Variants in ADAMTSL1 observed in about 807,000 individuals in gnomAD.
ADAMTSL1 encodes ADAMTS-like protein 1.
A neutral mutation model predicts 201.8 loss-of-function variants in ADAMTSL1; 126 were observed. The observed-to-expected ratio is 0.62, with a 90% CI of 0.54 to 0.72. ADAMTSL1 has a LOEUF of 0.72. Among genes scored for constraint, ADAMTSL1 ranks in the 30% least tolerant of loss-of-function variants. The probability of loss-of-function intolerance (pLI) is 0.00; values close to 1 mark genes in which losing one functional copy is unlikely to be tolerated. For synonymous variants in ADAMTSL1, 1,121 were observed against 903.4 expected, an observed-to-expected ratio of 1.24 and a Z score of -4.32; for missense variants, 2,679 against 2,277.8, an observed-to-expected ratio of 1.18 and a Z score of -3.59.
At chr9:18,558,469 T>C (rs1299236153) in intron 3 of ADAMTSL1, among the ~76,000 whole-genome samples, 1 of 152,228 alleles carries the variant, frequency 6.6e-6, no homozygotes, top group Non-Finnish European at 1.5e-5. Context: ...GGAATAAACA[T>C]ATGTGTGCAT....
chr9:18,149,061 T>C (rs1744057703), intron 1 of ADAMTSL1, among the ~76,000 whole-genome samples: 3 of 152,054 alleles, frequency 2.0e-5, no homozygotes, highest in African/African-American at 7.2e-5. Flanking sequence ...AATTTTTAAG[T>C]GGCTTATGCT....
rs115141310 is a variant in ADAMTSL1 at position 18,148,564 on chromosome 9, G to A, written c.88-15298G>A. Among the ~76,000 whole-genome samples the A allele has an allele frequency of 3.3e-3, 499 of 152,090 alleles. 1 individual carries two copies. The highest frequency in any genetic ancestry group is 0.011 in the African/African-American group (473 of 41,536). ...AACGAGCAAATTACAAAGTTCTACA[G>A]AAACTTACCTATAATAAATAAAGAA... On this transcript the variant is annotated intron_variant, in intron 1 of 29. Coordinates refer to the ADAMTSL1 transcript ENST00000680146.
chr9:18,793,224 CCTTA>C (rs1440962019), intron 19 of ADAMTSL1: 88 of 152,342 alleles, frequency 5.8e-4, no homozygotes, highest in African/African-American at 2.1e-3. Context: ...TTGATGGAAG[CCTTA>C]CTTCTACTTC....
At chr9:17,935,420 C>T (rs925003432) in intron 1 of ADAMTSL1, among the ~76,000 whole-genome samples, 1 of 152,156 alleles carries the variant, frequency 6.6e-6, no homozygotes, top group Non-Finnish European at 1.5e-5. Flanking sequence ...AGATTTGTAT[C>T]TGTAGCTTGG....
chr9:18,358,099 G>A (rs1395150552), intron 2 of ADAMTSL1, among the ~76,000 whole-genome samples: 1 of 152,136 alleles, frequency 6.6e-6, no homozygotes, highest in Admixed American at 6.5e-5. Context: ...TGTTACTTTG[G>A]TCAAGTCAGT....
chr9:18,281,708 T>G (rs1211772136), intron 2 of ADAMTSL1, among the ~76,000 whole-genome samples: 1 of 152,180 alleles, frequency 6.6e-6, no homozygotes, highest in South Asian at 2.1e-4. Context: ...CCATTGTTTG[T>G]GTCCATGTTC....
At chr9:18,110,368 G>T (rs1045249461) in intron 1 of ADAMTSL1, among the ~76,000 whole-genome samples, 2 of 152,156 alleles carry the variant, frequency 1.3e-5, no homozygotes, top group Non-Finnish European at 2.9e-5. Flanking sequence ...GAATGCTGCA[G>T]GTAGGGAAAG....
intron 1 of ADAMTSL1, among the ~76,000 whole-genome samples, chr9:18,484,181 G>A (rs1338464674): frequency 1.3e-5 from 2 of 152,162 alleles, no homozygotes; most frequent in African/African-American, 4.8e-5. Flanking sequence ...AAACAGACAT[G>A]GTCCTAAAGA....
chr9:18,522,831 A>G (rs1034526119), intron 2 of ADAMTSL1, among the ~76,000 whole-genome samples: 6 of 152,010 alleles, frequency 3.9e-5, no homozygotes, highest in Admixed American at 3.9e-4. Context: ...TTCTTAATCC[A>G]GTTGATCATT....
At chr9:18,127,985 G>A (rs1219817513) in intron 1 of ADAMTSL1, among the ~76,000 whole-genome samples, 1 of 152,152 alleles carries the variant, frequency 6.6e-6, no homozygotes, top group African/African-American at 2.4e-5. Context: ...AGCTTAGGTG[G>A]TTGATAATTT....
chr9:18,239,821 C>A (rs2132443635), intron 2 of ADAMTSL1, among the ~76,000 whole-genome samples: 1 of 151,994 alleles, frequency 6.6e-6, no homozygotes, highest in Non-Finnish European at 1.5e-5. Flanking sequence ...GAAGGAGAAA[C>A]CACTATCAGT....
At chr9:18,792,927 A>T (rs1822148392) in intron 19 of ADAMTSL1, among the ~76,000 whole-genome samples, 1 of 152,226 alleles carries the variant, frequency 6.6e-6, no homozygotes, top group Admixed American at 6.5e-5. Flanking sequence ...GAAAAAAGCA[A>T]CTAATGTTTG....
intron 1 of ADAMTSL1, among the ~76,000 whole-genome samples, chr9:18,026,407 T>C (rs375308615): frequency 6.6e-6 from 1 of 152,098 alleles, no homozygotes; most frequent in East Asian, 1.9e-4. Context: ...TTTAGGGTTT[T>C]ACTTGTTGAA....
intron 1 of ADAMTSL1, among the ~76,000 whole-genome samples, chr9:18,034,776 A>G (rs1206393826): frequency 6.6e-6 from 1 of 151,852 alleles, no homozygotes; most frequent in African/African-American, 2.4e-5. Flanking sequence ...TTTTGTTTCT[A>G]TTTTTCTCCA....
At chr9:18,574,687 A>G (rs1416018802) in intron 4 of ADAMTSL1, among the ~76,000 whole-genome samples, 1 of 152,024 alleles carries the variant, frequency 6.6e-6, no homozygotes, top group African/African-American at 2.4e-5. Context: ...TAAAATCCCC[A>G]AGTAAACTGT....
intron 8 of ADAMTSL1, among the ~76,000 whole-genome samples, chr9:18,660,579 T>C (rs1474480908): frequency 6.6e-6 from 1 of 152,182 alleles, no homozygotes; most frequent in Non-Finnish European, 1.5e-5. Context: ...ATAAATTCTG[T>C]CCCTGTGTAG....
chr9:18,057,421 C>T (rs1822244887), intron 1 of ADAMTSL1, among the ~76,000 whole-genome samples: 1 of 152,124 alleles, frequency 6.6e-6, no homozygotes, highest in South Asian at 2.1e-4. Context: ...TAGTTCTGTT[C>T]TCCCAATATG....
At chr9:18,220,916 G>C (rs1486123091) in intron 2 of ADAMTSL1, among the ~76,000 whole-genome samples, 2 of 151,516 alleles carry the variant, frequency 1.3e-5, no homozygotes, top group African/African-American at 4.8e-5. Flanking sequence ...CTGGGACTAC[G>C]AGCCTCTGCC....
intron 4 of ADAMTSL1, among the ~76,000 whole-genome samples, chr9:18,610,093 G>C (rs976841279): frequency 1.6e-4 from 25 of 152,060 alleles, no homozygotes; most frequent in Non-Finnish European, 1.3e-4. Flanking sequence ...AAGTGAACAT[G>C]TGGATCAAAA....
Sources: allele counts gnomAD v4.1 joint callset (sites outside exome capture counted in the v4.1 genomes callset), GRCh38; gene constraint gnomAD v4.1.1; transcripts MANE v1.5; gene names NCBI Gene and HGNC (gene_info 2026-07-23, HGNC 2026-07-21).